The following EYS variants were observed in gnomAD, a reference collection of about 807,000 sequenced individuals.
EYS encodes the protein protein eyes shut homolog.
EYS carries 250 observed loss-of-function variants against 282.1 expected under a neutral mutation model. The observed-to-expected ratio is 0.89, with a 90% CI of 0.80 to 0.98. The LOEUF is 0.98. EYS is among the 50% of genes least tolerant of loss of function. The pLI is 0.00. For missense variants in EYS, 4,016 were observed against 3,709.0 expected (o/e 1.08, Z -2.15); for synonymous variants, 1,355 against 1,282.9 (o/e 1.06, Z -1.20).
chr6:64,486,655 A>C (rs186590133), intron 26 of EYS, among the ~76,000 whole-genome samples: 3 of 151,398 alleles, frequency 2.0e-5, no homozygotes, highest in African/African-American at 7.3e-5. Context: ...TCTAAGGAAA[A>C]CTATCCATGT....
intron 35 of EYS, among the ~76,000 whole-genome samples, chr6:63,979,960 G>A (rs1767011873): frequency 6.6e-6 from 1 of 151,870 alleles, no homozygotes; most frequent in African/African-American, 2.4e-5. Flanking sequence ...CATGAAATTT[G>A]TCTTCTTGTA....
intron 8 of EYS, among the ~76,000 whole-genome samples, chr6:65,359,064 A>G (rs1010453015): frequency 6.6e-6 from 1 of 152,080 alleles, no homozygotes; most frequent in Non-Finnish European, 1.5e-5. Flanking sequence ...TTAGACAACT[A>G]AACTTGAACT....
At chr6:64,120,297 A>G (rs2150273340) in intron 31 of EYS, among the ~76,000 whole-genome samples, 1 of 146,556 alleles carries the variant, frequency 6.8e-6, no homozygotes, top group South Asian at 2.2e-4. Context: ...CGGAGCTTGC[A>G]GTGAGAGGAG....
At chr6:65,374,544 T>G in intron 8 of EYS, among the ~76,000 whole-genome samples, 2 of 147,694 alleles carry the variant, frequency 1.4e-5, no homozygotes, top group African/African-American at 2.5e-5. Context: ...GGAACTCCAG[T>G]GAAAGAGAAC....
intron 19 of EYS, among the ~76,000 whole-genome samples, chr6:64,866,540 T>C (rs949785435): frequency 6.6e-6 from 1 of 151,862 alleles, no homozygotes; most frequent in African/African-American, 2.4e-5. Context: ...TCTGCCTGTA[T>C]TGAAGGAACA....
chr6:65,313,389 T>C (rs1433517350), intron 11 of EYS, among the ~76,000 whole-genome samples: 1 of 151,922 alleles, frequency 6.6e-6, no homozygotes, highest in Non-Finnish European at 1.5e-5. Context: ...AGCCCCGAAT[T>C]ATCCCTTGAC....
At chr6:65,020,144 C>T (rs977262397) in intron 13 of EYS, among the ~76,000 whole-genome samples, 1 of 152,078 alleles carries the variant, frequency 6.6e-6, no homozygotes, top group African/African-American at 2.4e-5. Flanking sequence ...ATCTCATGTC[C>T]TCACAATTTA....
intron 29 of EYS, among the ~76,000 whole-genome samples, chr6:64,362,418 T>C (rs1207460492): frequency 6.6e-6 from 1 of 151,758 alleles, no homozygotes; most frequent in Non-Finnish European, 1.5e-5. Flanking sequence ...CCTAATGATG[T>C]TGAAGACTTC....
At position 63,980,243 on chromosome 6, in the gene EYS, G is replaced by T. The variant is rs78470579; in HGVS notation, c.7055+4140C>A. ...GGAAAATAGGCATGCATTTTCAGGA[G>T]GTACAGATTAGAATGCTCAAGAGTG... On this transcript the variant is annotated intron_variant, in intron 35 of 42. Transcript: ENST00000503581. Among the ~76,000 whole-genome samples the T allele has an allele frequency of 2.6e-3, 399 of 151,700 alleles. 6 individuals carry two copies. In the East Asian group the frequency reaches 0.05, roughly 19 times the overall value.
chr6:64,343,116 A>C (rs1771199102), intron 29 of EYS, among the ~76,000 whole-genome samples: 1 of 152,160 alleles, frequency 6.6e-6, no homozygotes, highest in Admixed American at 6.6e-5. Flanking sequence ...GGGAGACTTT[A>C]ACACCCCACT....
At chr6:65,201,236 A>G (rs1423835853) in intron 12 of EYS, among the ~76,000 whole-genome samples, 2 of 151,870 alleles carry the variant, frequency 1.3e-5, no homozygotes, top group African/African-American at 4.8e-5. Flanking sequence ...GCAGAAAAAA[A>G]TATCTGACAT....
At chr6:65,451,296 G>C (rs1764387998) in intron 5 of EYS, among the ~76,000 whole-genome samples, 1 of 151,986 alleles carries the variant, frequency 6.6e-6, no homozygotes, top group African/African-American at 2.4e-5. Context: ...GGGGATAAAT[G>C]AGAAAATACC....
At chr6:63,778,974 G>T (rs2149664762) in intron 39 of EYS, among the ~76,000 whole-genome samples, 1 of 151,814 alleles carries the variant, frequency 6.6e-6, no homozygotes, top group Admixed American at 6.6e-5. Flanking sequence ...AGTATATAAA[G>T]AGAGTCTCCT....
At chr6:65,522,670 T>C (rs2127299728) in intron 2 of EYS, among the ~76,000 whole-genome samples, 1 of 152,374 alleles carries the variant, frequency 6.6e-6, no homozygotes, top group East Asian at 1.9e-4. Flanking sequence ...CTAATTTTTA[T>C]TATGTATTTT....
intron 29 of EYS, among the ~76,000 whole-genome samples, chr6:64,336,242 C>CAG (rs1440916417): frequency 6.6e-6 from 1 of 152,040 alleles, no homozygotes; most frequent in African/African-American, 2.4e-5. Context: ...TCAGGAGACT[C>CAG]ACCTAACACA....
chr6:64,540,799 T>C (rs1005491729), intron 26 of EYS, among the ~76,000 whole-genome samples: 14 of 152,166 alleles, frequency 9.2e-5, no homozygotes, highest in Admixed American at 5.2e-4. Flanking sequence ...GTTCTTCTAA[T>C]ACCTAATTGA....
intron 13 of EYS, among the ~76,000 whole-genome samples, chr6:65,042,490 G>A (rs527868459): frequency 2.0e-5 from 3 of 151,036 alleles, no homozygotes; most frequent in African/African-American, 4.8e-5. Flanking sequence ...CATTGATATA[G>A]CCATCCCTTT....
chr6:65,207,644 G>A (rs934725978), intron 12 of EYS, among the ~76,000 whole-genome samples: 1 of 151,460 alleles, frequency 6.6e-6, no homozygotes, highest in Non-Finnish European at 1.5e-5. Flanking sequence ...AAGGGTATAC[G>A]AACCAAAAGA....
At chr6:64,779,139 T>A (rs1399227141) in intron 22 of EYS, among the ~76,000 whole-genome samples, 1 of 152,146 alleles carries the variant, frequency 6.6e-6, no homozygotes, top group Non-Finnish European at 1.5e-5. Context: ...TTACACTCTT[T>A]GGAATTTACC....
Sources: gnomAD v4.1 joint callset for allele counts (sites outside exome capture counted in the v4.1 genomes callset) on GRCh38, gnomAD v4.1.1 for gene constraint, MANE v1.5 for transcripts, NCBI Gene and HGNC (gene_info 2026-07-23, HGNC 2026-07-21) for gene names.